SDHAF4: variants seen among roughly 807,000 people sequenced by gnomAD.
SDHAF4 encodes the protein succinate dehydrogenase complex assembly factor 4, also known as succinate dehydrogenase assembly factor 4, mitochondrial.
Under a neutral mutation model 14.3 loss-of-function variants are expected in SDHAF4, and 14 were observed. The ratio of observed to expected loss-of-function variants is 0.98; its 90% CI spans 0.65 to 1.53. The LOEUF is 1.53. Ranked by LOEUF, SDHAF4 falls within the 40% of genes most tolerant of loss-of-function variation. The pLI, the probability that SDHAF4 is intolerant of heterozygous loss-of-function variation, is 0.00. For missense variants in SDHAF4, 141 were observed against 129.3 expected (o/e 1.09, Z -0.44); for synonymous variants, 63 against 47.3 (o/e 1.33, Z -1.36).
the SDHAF4 span, among the ~76,000 whole-genome samples, chr6:70,595,169 T>C: frequency 1.3e-5 from 2 of 152,234 alleles, no homozygotes; most frequent in East Asian, 3.9e-4. Flanking sequence ...TCCCCTAAGG[T>C]ATCCTTTGCT....
At chr6:70,580,957 A>C (rs1373617915) in intron 2 of SDHAF4, among the ~76,000 whole-genome samples, 1 of 151,950 alleles carries the variant, frequency 6.6e-6, no homozygotes, top group Non-Finnish European at 1.5e-5. Flanking sequence ...TTTGAAATGG[A>C]GTCTCACTCT....
chr6:70,583,187 A>G (rs559394544), intron 2 of SDHAF4, among the ~76,000 whole-genome samples: 1 of 152,316 alleles, frequency 6.6e-6, no homozygotes, highest in African/African-American at 2.4e-5. Flanking sequence ...ATTTCAGCTC[A>G]CCGCAACCTC....
At chr6:70,592,283 G>T (rs1385080672), downstream of SDHAF4, among the ~76,000 whole-genome samples, 2 of 152,222 alleles carry the variant, frequency 1.3e-5, no homozygotes, top group African/African-American at 4.8e-5. Context: ...TGGATAATGG[G>T]CAAAGATTGG....
At chr6:70,592,216 A>G (rs1464080743), downstream of SDHAF4, among the ~76,000 whole-genome samples, 1 of 152,208 alleles carries the variant, frequency 6.6e-6, no homozygotes, top group African/African-American at 2.4e-5. Flanking sequence ...GAAAACTGGC[A>G]CTGGGAGTGA....
At chr6:70,596,651 G>A in the SDHAF4 span, 3 of 152,158 alleles carry the variant, frequency 2.0e-5, no homozygotes, top group Non-Finnish European at 4.4e-5. Flanking sequence ...TATCGCTTGA[G>A]GGATTTCTGG....
the SDHAF4 span, among the ~76,000 whole-genome samples, chr6:70,596,205 G>A: frequency 6.6e-6 from 1 of 152,208 alleles, no homozygotes; most frequent in African/African-American, 2.4e-5. Context: ...CCTGTGAGAA[G>A]CAGAGTTGAC....
chr6:70,580,065 AAAT>A lies in SDHAF4; in HGVS notation c.217+502_217+504del, dbSNP rs1231877138. On this transcript the variant is annotated intron_variant, in intron 2 of 2. Transcript: ENST00000370474. ...ATATGAATAATGAGGTATGATAAAT[AAAT>A]AACAAATATATGTGTATATTATATG... 3.7e-3 allele frequency among the ~76,000 whole-genome samples: 569 copies of A among 152,252 alleles called. 8 individuals carry two copies. Among genetic ancestry groups the A allele is most frequent in the African/African-American group, 0.013 (552 of 41,548 alleles).
At chr6:70,575,514 A>T (rs1235765254) in intron 1 of SDHAF4, among the ~76,000 whole-genome samples, 1 of 148,584 alleles carries the variant, frequency 6.7e-6, no homozygotes, top group Non-Finnish European at 1.5e-5. Context: ...AAGTGTAGCC[A>T]TTTCACTTTG....
chr6:70,572,143 A>G (rs1490622067), intron 1 of SDHAF4, among the ~76,000 whole-genome samples: 1 of 129,364 alleles, frequency 7.7e-6, no homozygotes, highest in Non-Finnish European at 1.5e-5. Context: ...ATCTTGGCTC[A>G]CTGCAACCTC....
rs576848252 is a variant in SDHAF4 at position 70,569,959 on chromosome 6, A to G, written c.64+2955A>G. Among the ~76,000 whole-genome samples the G allele has an allele frequency of 1.2e-4, 18 of 152,244 alleles. No homozygotes were observed. The South Asian group carries it at 3.3e-3, about 28-fold the overall frequency. ...AGGAAACCAGTTTTCATTTTTTTTC[A>G]TATCAAACACTTGTCCCAGGTTCAT... is the stretch of plus-strand genomic sequence containing the variant. On this transcript the variant is annotated intron_variant, in intron 1 of 2. Coordinates refer to ENST00000370474, the MANE Select transcript of SDHAF4 (RefSeq NM_145267.3).
chr6:70,588,599 A>G lies in SDHAF4; in HGVS notation c.218-16A>G. On this transcript the variant is annotated splice_polypyrimidine_tract_variant and intron_variant, in intron 2 of 2. Coordinates refer to ENST00000370474, the MANE Select transcript of SDHAF4 (RefSeq NM_145267.3). ...TGCCTCCATTAACTGCTTTATTTAT[A>G]TCTCGTTTTCCTTAGAATTTCCAGA... 5 of 1,424,016 alleles carry G rather than the reference A, an allele frequency of 3.5e-6. No homozygotes were observed. The highest frequency in any genetic ancestry group is 4.9e-6 in the Non-Finnish European group (5 of 1,018,508). The allele number at this position is 1,424,016 out of a possible 1,614,324, so 88.2% of individuals were successfully genotyped here.
intron 1 of SDHAF4, among the ~76,000 whole-genome samples, chr6:70,569,132 A>AT (rs1210019149): frequency 6.8e-6 from 1 of 146,872 alleles, no homozygotes. Flanking sequence ...CGCCCGGCTA[A>AT]TTTTTGTATT....
chr6:70,594,115 C>T (rs992078533), downstream of SDHAF4, among the ~76,000 whole-genome samples: 6 of 152,168 alleles, frequency 3.9e-5, no homozygotes, highest in African/African-American at 9.7e-5. Flanking sequence ...CCTGTCCTAC[C>T]GTTGTATCTT....
chr6:70,592,129 C>G (rs888102029), downstream of SDHAF4, among the ~76,000 whole-genome samples: 1 of 152,190 alleles, frequency 6.6e-6, no homozygotes, highest in Non-Finnish European at 1.5e-5. Flanking sequence ...TTCTAGCCTC[C>G]AAAACCATAA....
intron 1 of SDHAF4, among the ~76,000 whole-genome samples, chr6:70,571,913 G>A (rs930493759): frequency 5.3e-5 from 8 of 151,716 alleles, no homozygotes; most frequent in Non-Finnish European, 7.4e-5. Context: ...CAATATATAG[G>A]CATAAAGTTT....
Position 70,579,709 on chromosome 6 carries a change from C to T in SDHAF4, c.217+143C>T, listed in dbSNP as rs1226308426. 3 of 571,050 alleles carry T rather than the reference C, an allele frequency of 5.3e-6. No individual in the cohort carries two copies. The East Asian group carries it at 9.7e-5, about 18-fold the overall frequency. The allele number at this position is 571,050 out of a possible 1,614,324, so 35.4% of individuals were successfully genotyped here. ...ATATTTCAACAATGAGTAAAATCACCATATTGACCATCGATACATGTAGAT... is the reference window on the plus strand; with the variant it reads ...ATATTTCAACAATGAGTAAAATCACTATATTGACCATCGATACATGTAGAT... On this transcript the variant is annotated intron_variant, in intron 2 of 2. Transcript: ENST00000370474.
chr6:70,593,602 A>G (rs993938251), downstream of SDHAF4, among the ~76,000 whole-genome samples: 1 of 152,178 alleles, frequency 6.6e-6, no homozygotes, highest in East Asian at 1.9e-4. Flanking sequence ...AGATTGCCCA[A>G]TGTTTTGGAG....
chr6:70,574,890 T>C (rs909455828), intron 1 of SDHAF4, among the ~76,000 whole-genome samples: 1 of 151,906 alleles, frequency 6.6e-6, no homozygotes, highest in African/African-American at 2.4e-5. Flanking sequence ...ATTCTGCCAC[T>C]ACACTCAAGA....
intron 1 of SDHAF4, among the ~76,000 whole-genome samples, chr6:70,579,127 G>C (rs1802290645): frequency 6.6e-6 from 1 of 152,124 alleles, no homozygotes; most frequent in African/African-American, 2.4e-5. Flanking sequence ...TGAACTCCTG[G>C]TTTTTTGGCA....
Sources: allele counts gnomAD v4.1 joint callset (sites outside exome capture counted in the v4.1 genomes callset), GRCh38; gene constraint gnomAD v4.1.1; transcripts MANE v1.5; gene names NCBI Gene and HGNC (gene_info 2026-07-23, HGNC 2026-07-21).